Variants in EPN2 observed in about 807,000 individuals in gnomAD.
EPN2 encodes epsin 2, also known as epsin-2.
A neutral mutation model predicts 61.7 loss-of-function variants in EPN2; 34 were observed. That is an observed-to-expected ratio of 0.55 (90% CI 0.42 to 0.73). EPN2 has a LOEUF of 0.73. Among genes scored for constraint, EPN2 ranks in the 30% least tolerant of loss-of-function variants. The pLI is 0.00. For missense variants in EPN2, 714 were observed against 839.2 expected (o/e 0.85, Z 1.84); for synonymous variants, 349 against 353.6 (o/e 0.99, Z 0.15).
rs2045393765 is a variant in EPN2, at chr17:19,285,301, G to A, written c.596-319G>A. 6.6e-6 allele frequency among the ~76,000 whole-genome samples: 1 copy of A among 152,248 alleles called. No homozygotes were observed. The highest frequency in any genetic ancestry group is 1.5e-5 in the Non-Finnish European group (1 of 68,040). On this transcript the variant is annotated intron_variant, in intron 3 of 10. Coordinates refer to ENST00000314728, the MANE Select transcript of EPN2 (RefSeq NM_014964.5). This position sits in a 1 kb window ranked among gnomAD's most constrained non-coding sequence, Gnocchi z 4.5. ...TTTGTGGAACTTTGCAGATGCAGGG[G>A]TTGGAACAGTGGGGATGCAGGAGCC... is the stretch of plus-strand genomic sequence containing the variant.
intron 1 of EPN2, among the ~76,000 whole-genome samples, chr17:19,243,517 C>T (rs1217944756): frequency 6.6e-6 from 1 of 151,398 alleles, no homozygotes; most frequent in Non-Finnish European, 1.5e-5. Flanking sequence ...CTCAGCCTCC[C>T]GAGTAGCTGG....
At chr17:19,238,893 C>T (rs1301173271) in intron 1 of EPN2, among the ~76,000 whole-genome samples, 3 of 152,292 alleles carry the variant, frequency 2.0e-5, no homozygotes, top group East Asian at 1.9e-4. Flanking sequence ...ATCCAAGCTT[C>T]CTCTCATTAT....
chr17:19,275,678 G>A (rs2045298927), intron 1 of EPN2, among the ~76,000 whole-genome samples: 1 of 152,230 alleles, frequency 6.6e-6, no homozygotes, highest in South Asian at 2.1e-4. Context: ...CTCCTGGCCA[G>A]TTTCCCAAGG....
intron 3 of EPN2, among the ~76,000 whole-genome samples, chr17:19,284,740 G>A (rs927830944): frequency 4.6e-5 from 7 of 152,168 alleles, no homozygotes; most frequent in Non-Finnish European, 4.4e-5. Flanking sequence ...GCTTTTGCAG[G>A]TTTCGATTTG....
chr17:19,259,491 T>G (rs1779852324), intron 1 of EPN2, among the ~76,000 whole-genome samples: 3 of 152,036 alleles, frequency 2.0e-5, no homozygotes. Context: ...TTTTTGTATT[T>G]TTAGTAGAGA....
At chr17:19,258,340 A>G (rs2045104407) in intron 1 of EPN2, among the ~76,000 whole-genome samples, 2 of 152,082 alleles carry the variant, frequency 1.3e-5, no homozygotes, top group South Asian at 4.2e-4. Flanking sequence ...TAAATGAGAG[A>G]GTGGGACTAA....
At chr17:19,281,735 G>C (rs924554897) in intron 1 of EPN2, among the ~76,000 whole-genome samples, 2 of 152,090 alleles carry the variant, frequency 1.3e-5, no homozygotes, top group African/African-American at 2.4e-5. Flanking sequence ...GTTTGAGGGT[G>C]GGGGGTGGAC....
chr17:19,270,898 T>G (rs2045246422), intron 1 of EPN2, among the ~76,000 whole-genome samples: 2 of 152,234 alleles, frequency 1.3e-5, no homozygotes, highest in South Asian at 4.1e-4. Flanking sequence ...GGGCTGTTCC[T>G]GTTCCCAGGC....
At chr17:19,242,555 T>A (rs2044897086) in intron 1 of EPN2, among the ~76,000 whole-genome samples, 1 of 152,226 alleles carries the variant, frequency 6.6e-6, no homozygotes, top group South Asian at 2.1e-4. Flanking sequence ...CCTGCTTCGT[T>A]CCTGGGCATA....
intron 4 of EPN2, among the ~76,000 whole-genome samples, chr17:19,305,541 C>G (rs1295762276): frequency 6.6e-6 from 1 of 152,208 alleles, no homozygotes; most frequent in East Asian, 1.9e-4. Flanking sequence ...TCCATACTTT[C>G]TAGGAAAATT....
intron 1 of EPN2, among the ~76,000 whole-genome samples, chr17:19,266,063 G>A (rs1487843093): frequency 6.6e-6 from 1 of 151,894 alleles, no homozygotes; most frequent in Non-Finnish European, 1.5e-5. Context: ...TCCTACTTCC[G>A]CCTCTGCCCT....
Position 19,285,580 on chromosome 17 carries a change from C to A in EPN2, c.596-40C>A, listed in dbSNP as rs779828217. The A allele has an allele frequency of 6.8e-7, 1 of 1,462,230 alleles. No homozygotes were observed. Among genetic ancestry groups the A allele is most frequent in the South Asian group, 1.4e-5 (1 of 71,274 alleles). 90.6% of individuals were successfully genotyped at this position (1,462,230 alleles called of 1,614,324 possible). ...GGGGCTGCTGCGCACCCTCTAATGG[C>A]GTGTCTCTCTGTGTGTGTGTGTGTG... is the stretch of plus-strand genomic sequence containing the variant. On this transcript the variant is annotated intron_variant, in intron 3 of 10. Transcript: ENST00000314728. The surrounding 1 kb of genome is among the most constrained non-coding windows in gnomAD (Gnocchi z 4.5).
intron 7 of EPN2, among the ~76,000 whole-genome samples, chr17:19,325,855 TAAG>T (rs1199132850): frequency 1.3e-5 from 2 of 152,188 alleles, no homozygotes; most frequent in Non-Finnish European, 2.9e-5. Flanking sequence ...TTATTAGAAT[TAAG>T]AATTATTTGA....
At chr17:19,297,945 C>T (rs776417381) in intron 4 of EPN2, among the ~76,000 whole-genome samples, 76 of 152,286 alleles carry the variant, frequency 5.0e-4, no homozygotes, top group Middle Eastern at 6.8e-3. Flanking sequence ...GGCACGATCT[C>T]GGCTCACTGC....
chr17:19,237,989 G>T (rs546223423), intron 1 of EPN2, among the ~76,000 whole-genome samples: 1 of 152,184 alleles, frequency 6.6e-6, no homozygotes, highest in Non-Finnish European at 1.5e-5. Flanking sequence ...CCCGTGCAGA[G>T]CCCGGTCCGG....
intron 1 of EPN2, among the ~76,000 whole-genome samples, chr17:19,239,528 A>G (rs1465910367): frequency 6.6e-6 from 1 of 152,242 alleles, no homozygotes; most frequent in Non-Finnish European, 1.5e-5. Flanking sequence ...AAATTGGGCT[A>G]GTCATCTTTA....
chr17:19,265,054 C>T lies in EPN2; in HGVS notation c.-293-16901C>T, dbSNP rs74445144. Among the ~76,000 whole-genome samples the T allele has an allele frequency of 6.5e-3, 989 of 152,156 alleles. 54 individuals are homozygous for T. In the East Asian group the frequency reaches 0.12, roughly 18 times the overall value. On this transcript the variant is annotated intron_variant, in intron 1 of 10. Coordinates refer to ENST00000314728, the MANE Select transcript of EPN2 (RefSeq NM_014964.5). ...TGATAGGTTCGGTTTTGTCCTGAAA[C>T]TGGAGGGGAAGGTGGCATGGTGCAG...
intron 7 of EPN2, among the ~76,000 whole-genome samples, chr17:19,314,087 A>T (rs534440373): frequency 1.3e-5 from 2 of 152,126 alleles, no homozygotes; most frequent in African/African-American, 2.4e-5. Flanking sequence ...TCTTGTGTTT[A>T]ACTCGGTTCC....
chr17:19,240,233 G>C (rs998310472), intron 1 of EPN2, among the ~76,000 whole-genome samples: 1 of 151,922 alleles, frequency 6.6e-6, no homozygotes, highest in Non-Finnish European at 1.5e-5. Flanking sequence ...AGAAGTCAAA[G>C]GGCTTGGATT....
Sources: allele counts gnomAD v4.1 joint callset (sites outside exome capture counted in the v4.1 genomes callset), GRCh38; gene constraint gnomAD v4.1.1; non-coding constraint Gnocchi (gnomAD v3.1); transcripts MANE v1.5; gene names NCBI Gene and HGNC (gene_info 2026-07-23, HGNC 2026-07-21).